PRKG2: variants seen among roughly 807,000 people sequenced by gnomAD.
The protein encoded by PRKG2 is cGMP-dependent protein kinase 2.
Under a neutral mutation model 97.2 loss-of-function variants are expected in PRKG2, and 33 were observed. That is an observed-to-expected ratio of 0.34 (90% confidence interval 0.26 to 0.45). The LOEUF (loss-of-function observed/expected upper bound fraction) is 0.45. Ranked by LOEUF, PRKG2 falls within the 20% of genes least tolerant of loss-of-function variation. The pLI, the probability that PRKG2 is intolerant of heterozygous loss-of-function variation, is 1.00. For synonymous variants in PRKG2, 330 were observed against 321.8 expected (o/e 1.03, Z -0.27); for missense variants, 638 against 900.0 (o/e 0.71, Z 3.73).
Position 81,204,828 on chromosome 4 carries a change from T to G in PRKG2, c.220A>C (p.Asn74His). The G allele has an allele frequency of 1.2e-6, 2 of 1,614,196 alleles. No homozygotes were observed. Among genetic ancestry groups the G allele is most frequent in the Non-Finnish European group, 8.5e-7 (1 of 1,180,030 alleles). Residue 74 changes from asparagine (N) to histidine (H), a missense_variant, in exon 2 of 19, where the codon AAC becomes CAC. By Grantham distance (68) the Asn-to-His change is moderately conservative (BLOSUM62 1). This residue lies in a region of PRKG2 where 332 missense variants were observed against 421.7 expected (regional missense o/e 0.79). Coordinates refer to ENST00000264399, the MANE Select transcript of PRKG2 (RefSeq NM_006259.3). ...AIAELTEELQ[N>H]KCIQLNKLQD... ...AGCTTGTTCAGCTGGATGCACTTGTTCTGGAGCTCCTCTGTGAGTTCAGCA... is the reference window on the plus strand; with the variant it reads ...AGCTTGTTCAGCTGGATGCACTTGTGCTGGAGCTCCTCTGTGAGTTCAGCA...
At chr4:81,165,696 C>A (rs575893901) in intron 6 of PRKG2, among the ~76,000 whole-genome samples, 1 of 152,198 alleles carries the variant, frequency 6.6e-6, no homozygotes, top group Admixed American at 6.5e-5. Context: ...CAAATCCTTT[C>A]CAGGGTGTTT....
At chr4:81,168,235 T>C (rs1236664895) in intron 5 of PRKG2, among the ~76,000 whole-genome samples, 2 of 152,080 alleles carry the variant, frequency 1.3e-5, no homozygotes. Context: ...CTTTGGAGGT[T>C]GGTGGCAAAA....
At chr4:81,212,610 A>G (rs998489532) in intron 1 of PRKG2, among the ~76,000 whole-genome samples, 11 of 152,202 alleles carry the variant, frequency 7.2e-5, no homozygotes, top group African/African-American at 2.2e-4. Context: ...CACCAGTGGA[A>G]ACTTTAAGTA....
At chr4:81,167,106 A>G (rs1179044129) in intron 6 of PRKG2, 55 bp downstream of exon 6, 2 of 1,169,368 alleles carry the variant, frequency 1.7e-6, no homozygotes, top group Non-Finnish European at 2.5e-6. Context: ...TTAATAATAT[A>G]AGTACATTCT....
At chr4:81,105,619 C>T (rs1743245696) in intron 16 of PRKG2, among the ~76,000 whole-genome samples, 194 bp downstream of exon 16, 1 of 152,010 alleles carries the variant, frequency 6.6e-6, no homozygotes, top group Non-Finnish European at 1.5e-5. Flanking sequence ...TAAGTAGGTA[C>T]TGTGATTCTG....
chr4:81,171,051 G>A (rs1222177361), intron 4 of PRKG2, among the ~76,000 whole-genome samples: 1 of 151,782 alleles, frequency 6.6e-6, no homozygotes, highest in Non-Finnish European at 1.5e-5. Flanking sequence ...TGCAAGACAT[G>A]CAGGTTTGTT....
At chr4:81,143,074 G>T in intron 10 of PRKG2, 127 bp from the exon 11 acceptor site, 1 of 1,236,142 alleles carries the variant, frequency 8.1e-7, no homozygotes. Context: ...TGCCACAAAG[G>T]CTATCCCAAC....
intron 1 of PRKG2, among the ~76,000 whole-genome samples, chr4:81,207,325 G>A (rs1043322088): frequency 6.6e-6 from 1 of 152,128 alleles, no homozygotes; most frequent in Non-Finnish European, 1.5e-5. Context: ...AGAGAAAGAA[G>A]GGAGATGTGA....
intron 6 of PRKG2, among the ~76,000 whole-genome samples, chr4:81,159,116 T>C (rs1188143893): frequency 6.6e-6 from 1 of 152,194 alleles, no homozygotes; most frequent in Non-Finnish European, 1.5e-5. Flanking sequence ...AAATGGGATC[T>C]AATTCAACTA....
chr4:81,187,404 G>T (rs7680521), intron 2 of PRKG2, among the ~76,000 whole-genome samples: 34,642 of 152,014 alleles, frequency 0.23, 7,823 homozygotes, highest in African/African-American at 0.57. Flanking sequence ...ATGCAGAAAA[G>T]GACTTCAACA....
chr4:81,210,414 A>G (rs1036861103), intron 1 of PRKG2, among the ~76,000 whole-genome samples: 1 of 152,168 alleles, frequency 6.6e-6, no homozygotes, highest in Admixed American at 6.5e-5. Context: ...ACCTCACCAA[A>G]CAAGGCACTC....
chr4:81,111,917 G>GCATTTCA lies in PRKG2; in HGVS notation c.1777-1313_1777-1307dup, dbSNP rs1371783887. ...AGTCACAAATTGTTTCTGGGCTTCA[G>GCATTTCA]CATTTCACATTTCACATAGCCTTTC... On this transcript the variant is annotated intron_variant, in intron 14 of 18. Transcript: ENST00000264399. Among the ~76,000 whole-genome samples, 10 of 152,242 alleles carry GCATTTCA rather than the reference G, an allele frequency of 6.6e-5. No homozygotes were observed. In the East Asian group the frequency reaches 1.7e-3, roughly 26 times the overall value.
At position 81,169,613 on chromosome 4, in the gene PRKG2, C is replaced by A. The variant is rs758080729; in HGVS notation, c.848+50G>T. 3.2e-5 allele frequency: 42 copies of A among 1,304,280 alleles called. No homozygotes were observed. In the Middle Eastern group the frequency reaches 4.6e-3, roughly 142 times the overall value. The allele number at this position is 1,304,280 out of a possible 1,614,324, so 80.8% of individuals were successfully genotyped here. A position where few individuals can be genotyped will look rare whatever the true frequency, so the allele number is the denominator to read the frequency against. ...TATTCTGATAAAACCAATATATTCA[C>A]AATATGGCGACTCCACTGTCTTCAC... On this transcript the variant is annotated intron_variant, in intron 5 of 18. Transcript: ENST00000264399.
intron 2 of PRKG2, among the ~76,000 whole-genome samples, chr4:81,180,244 G>A (rs1274175613): frequency 2.0e-5 from 3 of 151,930 alleles, no homozygotes; most frequent in Admixed American, 2.0e-4. Context: ...AACAAAAAGA[G>A]AAATTGAATA....
At chr4:81,195,280 ACT>A (rs1442866644) in intron 2 of PRKG2, among the ~76,000 whole-genome samples, 2 of 151,526 alleles carry the variant, frequency 1.3e-5, no homozygotes, top group African/African-American at 4.9e-5. Context: ...GAAAATCCCT[ACT>A]CTCCTCTCCC....
intron 14 of PRKG2, among the ~76,000 whole-genome samples, chr4:81,133,053 G>A (rs10857207): frequency 1.3e-5 from 2 of 151,748 alleles, no homozygotes; most frequent in East Asian, 3.9e-4. Context: ...CCTGAGTTGA[G>A]AGTATATTCT....
chr4:81,216,891 TTG>T (rs68179456), upstream of PRKG2, among the ~76,000 whole-genome samples: 26,575 of 131,100 alleles, frequency 0.2, 2,840 homozygotes, highest in Middle Eastern at 0.28. Flanking sequence ...TAGTATTCCA[TTG>T]TGTGTGTGTG....
intron 14 of PRKG2, among the ~76,000 whole-genome samples, chr4:81,116,463 T>G (rs1351437451): frequency 6.6e-6 from 1 of 152,160 alleles, no homozygotes; most frequent in African/African-American, 2.4e-5. Flanking sequence ...TTTTTGCTCT[T>G]GGGAATAGTG....
At chr4:81,152,553 T>C (rs1748517300) in intron 7 of PRKG2, among the ~76,000 whole-genome samples, 1 of 152,172 alleles carries the variant, frequency 6.6e-6, no homozygotes, top group South Asian at 2.1e-4. Context: ...ACAACTTTCA[T>C]GGGCATCTCA....
Sources: gnomAD v4.1 joint callset for allele counts (sites outside exome capture counted in the v4.1 genomes callset) on GRCh38, gnomAD v4.1.1 for gene constraint, gnomAD v4.1.1 regional missense constraint, MANE v1.5 for transcripts, NCBI Gene and HGNC (gene_info 2026-07-23, HGNC 2026-07-21) for gene names.